SNRNP70: variants seen among roughly 807,000 people sequenced by gnomAD.
SNRNP70 encodes the protein small nuclear ribonucleoprotein U1 subunit 70.
SNRNP70 carries 8 observed loss-of-function variants against 50.5 expected under a neutral mutation model. That is an observed-to-expected ratio of 0.16 (90% CI 0.09 to 0.29). The LOEUF is 0.29. Among genes scored for constraint, SNRNP70 ranks in the 10% least tolerant of loss-of-function variants. SNRNP70 has a pLI of 1.00. For synonymous variants in SNRNP70, 320 were observed against 252.9 expected, an observed-to-expected ratio of 1.27 and a Z score of -2.52; for missense variants, 529 against 663.5, an observed-to-expected ratio of 0.80 and a Z score of 2.23.
At chr19:49,105,399 C>T (rs2040653264) in intron 8 of SNRNP70, among the ~76,000 whole-genome samples, 1 of 152,026 alleles carries the variant, frequency 6.6e-6, no homozygotes, top group Admixed American at 6.6e-5. Context: ...ATGTGATGTC[C>T]GTGGACCTGA....
chr19:49,093,681 A>AAAAAAAAAAAAC (rs1476584027), intron 4 of SNRNP70, among the ~76,000 whole-genome samples: 1 of 141,676 alleles, frequency 7.1e-6, no homozygotes, highest in East Asian at 2.1e-4. Flanking sequence ...TCCATCTCAA[A>AAAAAAAAAAAAC]AAAAAAAAAA....
rs1018611807 is a variant in SNRNP70 at position 49,104,394 on chromosome 19, A to G, written c.476-240A>G. 2.0e-6 allele frequency: 1 copy of G among 490,196 alleles called. No individual in the cohort carries two copies. The highest frequency in any genetic ancestry group is 3.7e-6 in the Non-Finnish European group (1 of 272,656). The allele number at this position is 490,196 out of a possible 1,614,324, so 30.4% of individuals were successfully genotyped here. A position where few individuals can be genotyped will look rare whatever the true frequency, so the allele number is the denominator to read the frequency against. On this transcript the variant is annotated intron_variant, in intron 7 of 9. Coordinates refer to ENST00000598441, the MANE Select transcript of SNRNP70 (RefSeq NM_003089.6). This position sits in a 1 kb window ranked among gnomAD's most constrained non-coding sequence, Gnocchi z 5.4. ...CCTAGGGGGTGGCGGGTGAGGGTGG[A>G]CGTCTCCCCCGACCAGGAGTGGTTG... is the stretch of plus-strand genomic sequence containing the variant.
Position 49,107,752 on chromosome 19 carries a change from C to A in SNRNP70, c.665+40C>A. ...CCGGTGTCCTGGGGTGGGGGGCGGTCACGGGGGGAGCCCAGCCACACAGGT... is the reference window on the plus strand; with the variant it reads ...CCGGTGTCCTGGGGTGGGGGGCGGTAACGGGGGGAGCCCAGCCACACAGGT... On this transcript the variant is annotated intron_variant, in intron 9 of 9. Transcript: ENST00000598441. The surrounding 1 kb of genome is among the most constrained non-coding windows in gnomAD (Gnocchi z 6.0). 1.2e-6 allele frequency: 2 copies of A among 1,612,520 alleles called. No homozygotes were observed. Among genetic ancestry groups the A allele is most frequent in the South Asian group, 1.1e-5 (1 of 90,966 alleles).
rs551156474 is a variant in SNRNP70 at position 49,091,799 on chromosome 19, A to T, written c.265+1279A>T. On this transcript the variant is annotated intron_variant, in intron 4 of 9. Transcript: ENST00000598441. ...ACGCTGTCTTGATGTCCTGCCTCAGAGGCATCTCAGACTCAGTGTCCAAAC... is the reference window on the plus strand; with the variant it reads ...ACGCTGTCTTGATGTCCTGCCTCAGTGGCATCTCAGACTCAGTGTCCAAAC... Among the ~76,000 whole-genome samples the T allele has an allele frequency of 8.5e-5, 13 of 152,274 alleles. No individual in the cohort carries two copies. In the South Asian group the frequency reaches 2.7e-3, roughly 32 times the overall value.
intron 4 of SNRNP70, among the ~76,000 whole-genome samples, chr19:49,098,182 G>C (rs2040536680): frequency 6.6e-6 from 1 of 152,166 alleles, no homozygotes; most frequent in Non-Finnish European, 1.5e-5. Context: ...CTTGAAGTCA[G>C]CCTTACCTCC....
intron 1 of SNRNP70, 44 bp downstream of exon 1, chr19:49,085,680 T>G: frequency 2.2e-6 from 1 of 454,992 alleles, no homozygotes; most frequent in Non-Finnish European, 4.4e-6. Flanking sequence ...GCGGGGCCGC[T>G]ACCCAGAAGC....
rs560545088 is a variant in SNRNP70, at chr19:49,096,371, A to AG, written c.266-2054dup. Among the ~76,000 whole-genome samples the AG allele has an allele frequency of 4.4e-3, 663 of 152,198 alleles. 3 individuals are homozygous for AG. Among genetic ancestry groups the AG allele is most frequent in the African/African-American group, 0.015 (627 of 41,538 alleles). Reference sequence around the variant, plus strand: ...TGTGCCCAGCCTGGCAAGGAACTTGAGGAGTGGGTGGAGAGAACGCTGAGA... The same window carrying AG: ...TGTGCCCAGCCTGGCAAGGAACTTGAGGGAGTGGGTGGAGAGAACGCTGAGA... On this transcript the variant is annotated intron_variant, in intron 4 of 9. Coordinates refer to ENST00000598441, the MANE Select transcript of SNRNP70 (RefSeq NM_003089.6).
At chr19:49,099,338 C>T (rs2040552033) in intron 6 of SNRNP70, among the ~76,000 whole-genome samples, 1 of 152,140 alleles carries the variant, frequency 6.6e-6, no homozygotes, top group African/African-American at 2.4e-5. Flanking sequence ...GTAATCTCAG[C>T]TCTTAAGGAG....
In SNRNP70 at chr19:49,107,914, G is replaced by A; in HGVS notation, c.785G>A (p.Arg262Gln). 2 of 1,547,998 alleles carry A rather than the reference G, an allele frequency of 1.3e-6. No individual in the cohort carries two copies. Among genetic ancestry groups the A allele is most frequent in the Non-Finnish European group, 1.7e-6 (2 of 1,146,596 alleles). ...CGGCGACGCTCCCGCTCCCGGGACC[G>A]GCGGAGGCGCTCACGGAGTCGCGAC... ...RERRRSRSRD[R>Q]RRRSRSRDKE... The change falls in exon 10 of 10, where the codon CGG becomes CAG. Residue 262 changes from arginine (R) to glutamine (Q), a missense_variant. This residue lies in a region of SNRNP70 where 327 missense variants were observed against 308.8 expected (regional missense o/e 1.06). Transcript: ENST00000598441. The surrounding 1 kb of genome is among the most constrained non-coding windows in gnomAD (Gnocchi z 6.0).
intron 6 of SNRNP70, among the ~76,000 whole-genome samples, chr19:49,100,840 A>G (rs1033425966): frequency 1.4e-5 from 2 of 147,078 alleles, no homozygotes; most frequent in African/African-American, 5.0e-5. Flanking sequence ...TTCCCGTCCC[A>G]TTGGCATTCA....
intron 4 of SNRNP70, among the ~76,000 whole-genome samples, chr19:49,091,841 C>T (rs1052827663): frequency 3.3e-5 from 5 of 152,296 alleles, no homozygotes; most frequent in South Asian, 2.1e-4. Flanking sequence ...GGTTTTCCCT[C>T]GCCACCAACC....
Position 49,104,701 on chromosome 19 carries a change from C to A in SNRNP70, c.543C>A (p.Gly181=). The A allele has an allele frequency of 6.4e-7, 1 of 1,558,902 alleles. No individual in the cohort carries two copies. The highest frequency in any genetic ancestry group is 8.7e-7 in the Non-Finnish European group (1 of 1,151,282). Residue 181 remains glycine (G), a synonymous_variant, in exon 8 of 10, where the codon GGC becomes GGA. Transcript: ENST00000598441. This position sits in a 1 kb window ranked among gnomAD's most constrained non-coding sequence, Gnocchi z 5.4. ...GRRVLVDVER[G]RTVKGWRPRR... is the part of the protein sequence containing the mutation. ...GGGTCCTTGTGGACGTGGAGAGGGG[C>A]CGAACCGTGAAGGGCTGGAGGCCCC...
At chr19:49,102,016 G>C in intron 7 of SNRNP70, 1 of 527,300 alleles carries the variant, frequency 1.9e-6, no homozygotes, top group Non-Finnish European at 3.4e-6. Context: ...AGGCTGCCGC[G>C]GCGTCCACAT....
In SNRNP70 at chr19:49,107,714, T is replaced by C; in HGVS notation, c.665+2T>C. ...TGACACCTCCCGCTACGATGAGAGG[T>C]AAGATTGGGCGACCGGTGTCCTGGG... On this transcript the variant is annotated splice_donor_variant, in intron 9 of 9. Transcript: ENST00000598441. LOFTEE classifies it high-confidence loss of function. This position sits in a 1 kb window ranked among gnomAD's most constrained non-coding sequence, Gnocchi z 6.0. 1 of 1,613,532 alleles carries C rather than the reference T, an allele frequency of 6.2e-7. No individual in the cohort carries two copies. Among genetic ancestry groups the C allele is most frequent in the South Asian group, 1.1e-5 (1 of 91,058 alleles).
At chr19:49,099,375 C>T (rs1353425807) in intron 6 of SNRNP70, among the ~76,000 whole-genome samples, 1 of 152,122 alleles carries the variant, frequency 6.6e-6, no homozygotes, top group Non-Finnish European at 1.5e-5. Flanking sequence ...AGCTTAAACC[C>T]AGGAGTTCGA....
intron 4 of SNRNP70, among the ~76,000 whole-genome samples, chr19:49,096,715 C>T (rs563537404): frequency 8.6e-5 from 13 of 151,890 alleles, no homozygotes; most frequent in East Asian, 3.9e-4. Context: ...TGCAGTAAGC[C>T]GAGATCTCGC....
chr19:49,087,657 G>A lies in SNRNP70; in HGVS notation c.147+1096G>A, dbSNP rs117745006. ...AGGGTCATCTCTTAGGTGCATCAGA[G>A]CACACCTGAGAAAAGCTGGCACACA... On this transcript the variant is annotated intron_variant, in intron 2 of 9. Coordinates refer to ENST00000598441, the MANE Select transcript of SNRNP70 (RefSeq NM_003089.6). The A allele has an allele frequency of 5.2e-3, 786 of 152,330 alleles. 3 individuals are homozygous for A. The highest frequency in any genetic ancestry group is 8.1e-3 in the Non-Finnish European group (549 of 68,040). 9.4% of individuals were successfully genotyped at this position (152,330 alleles called of 1,614,324 possible).
chr19:49,085,849 G>A (rs1374061838), intron 1 of SNRNP70, among the ~76,000 whole-genome samples: 4 of 152,120 alleles, frequency 2.6e-5, no homozygotes, highest in Non-Finnish European at 5.9e-5. Flanking sequence ...AGGCCCTTGC[G>A]GTGTGTGGCC....
At chr19:49,102,344 C>T (rs895774026) in intron 7 of SNRNP70, 5 of 370,592 alleles carry the variant, frequency 1.3e-5, no homozygotes, top group South Asian at 5.8e-5. Flanking sequence ...GTCCCTCCTG[C>T]CCCGATCCGT....
Sources: gnomAD v4.1 joint callset for allele counts (sites outside exome capture counted in the v4.1 genomes callset) on GRCh38, gnomAD v4.1.1 for gene constraint, gnomAD v4.1.1 regional missense constraint, Gnocchi (gnomAD v3.1) non-coding constraint, MANE v1.5 for transcripts, NCBI Gene and HGNC (gene_info 2026-07-23, HGNC 2026-07-21) for gene names.